Variants in GCNT1 observed in about 807,000 individuals in gnomAD.
GCNT1 encodes the protein beta-1,3-galactosyl-O-glycosyl-glycoprotein beta-1,6-N-acetylglucosaminyltransferase.
GCNT1 carries 16 observed loss-of-function variants against 26.2 expected under a neutral mutation model. That is an observed-to-expected ratio of 0.61 (90% CI 0.41 to 0.93). The LOEUF (loss-of-function observed/expected upper bound fraction) is 0.93. Ranked by LOEUF, GCNT1 falls within the 40% of genes least tolerant of loss-of-function variation. GCNT1 has a pLI of 0.00. For missense variants in GCNT1, 477 were observed against 526.7 expected, an observed-to-expected ratio of 0.91 and a Z score of 0.92; for synonymous variants, 183 against 190.8, an observed-to-expected ratio of 0.96 and a Z score of 0.34.
Position 76,502,649 on chromosome 9 carries a change from C to A in GCNT1, c.268C>A (p.Pro90Thr), listed in dbSNP as rs1421639764. 9.9e-6 allele frequency: 16 copies of A among 1,613,952 alleles called. No individual in the cohort carries two copies. Among genetic ancestry groups the A allele is most frequent in the Non-Finnish European group, 1.3e-5 (15 of 1,180,006 alleles). Residue 90 changes from proline (P) to threonine (T), a missense_variant, in exon 4 of 4, where the codon CCT becomes ACT. Physicochemically the swap from Pro to Thr is conservative, Grantham distance 38. Coordinates refer to ENST00000376730, the MANE Select transcript of GCNT1 (RefSeq NM_001490.5). Reference protein sequence around the residue: ...VKFKKRPRWTPDDYINMTSDC... With the variant: ...VKFKKRPRWTTDDYINMTSDC... ...ATTTAAAAAGCGCCCTCGGTGGACACCTGACGACTATATAAACATGACCAG... is the reference window on the plus strand; with the variant it reads ...ATTTAAAAAGCGCCCTCGGTGGACAACTGACGACTATATAAACATGACCAG...
Position 76,503,195 on chromosome 9 carries a change from G to A in GCNT1, c.814G>A (p.Val272Ile). 1 of 1,614,186 alleles carries A rather than the reference G, an allele frequency of 6.2e-7. No homozygotes were observed. Among genetic ancestry groups the A allele is most frequent in the Non-Finnish European group, 8.5e-7 (1 of 1,180,016 alleles). ...VNGKLTNTGT[V>I]KMLPPLETPL... is the part of the protein sequence containing the mutation. Reference sequence around the variant, plus strand: ...TGGAAAGCTGACAAACACAGGGACTGTCAAAATGCTTCCTCCACTCGAAAC... The same window carrying A: ...TGGAAAGCTGACAAACACAGGGACTATCAAAATGCTTCCTCCACTCGAAAC... Residue 272 changes from valine to isoleucine, a missense_variant, in exon 4 of 4, where the codon GTC becomes ATC. Transcript: ENST00000376730.
upstream of GCNT1, among the ~76,000 whole-genome samples, chr9:76,417,309 C>T (rs1353362639): frequency 1.3e-5 from 2 of 152,098 alleles, no homozygotes; most frequent in African/African-American, 2.4e-5. Flanking sequence ...ACAAAATGTG[C>T]CCTAGTCTTT....
rs1554739678 is a variant in GCNT1 at position 76,502,680 on chromosome 9, G to A, written c.299G>A (p.Cys100Tyr). 2 of 1,614,130 alleles carry A rather than the reference G, an allele frequency of 1.2e-6. No homozygotes were observed. Among genetic ancestry groups the A allele is most frequent in the Non-Finnish European group, 1.7e-6 (2 of 1,179,996 alleles). Residue 100 changes from cysteine to tyrosine, a missense_variant, in exon 4 of 4, where the codon TGT (cysteine) becomes TAT (tyrosine). Transcript: ENST00000376730. ...GACTATATAAACATGACCAGTGACT[G>A]TTCTTCTTTCATCAAGAGACGCAAA... is the stretch of plus-strand genomic sequence containing the variant. ...PDDYINMTSDCSSFIKRRKYI... is the reference protein window; with the variant it reads ...PDDYINMTSDYSSFIKRRKYI...
chr9:76,396,244 C>T, the GCNT1 span, among the ~76,000 whole-genome samples: 5 of 152,300 alleles, frequency 3.3e-5, no homozygotes, highest in East Asian at 7.7e-4. Context: ...GTATTTTTCA[C>T]ACTGTCTCAT....
intron 2 of GCNT1, among the ~76,000 whole-genome samples, chr9:76,465,169 A>T (rs367790951): frequency 0.12 from 16,323 of 138,104 alleles, 1,008 homozygotes; most frequent in Middle Eastern, 0.2. Flanking sequence ...TTTTTTTTTT[A>T]TTTTTTTTTA....
Position 76,502,320 on chromosome 9 carries a change from C to T in GCNT1, c.-62C>T. On this transcript the variant is annotated 5_prime_UTR_variant, in exon 4 of 4. Transcript: ENST00000376730. ...TTCAAGGCCACGACGGAGGGAAAAT[C>T]ATTGGTGCTTGGAGCATAGAAGACT... 8.5e-7 allele frequency: 1 copy of T among 1,171,882 alleles called. No homozygotes were observed. The highest frequency in any genetic ancestry group is 2.0e-4 in the Middle Eastern group (1 of 5,022). The allele number at this position is 1,171,882 out of a possible 1,614,324, so 72.6% of individuals were successfully genotyped here.
the GCNT1 span, among the ~76,000 whole-genome samples, chr9:76,402,983 T>G: frequency 6.6e-6 from 1 of 152,148 alleles, no homozygotes; most frequent in African/African-American, 2.4e-5. Flanking sequence ...CAGCCCTGAT[T>G]GTTTAATAAA....
At chr9:76,399,047 C>G in the GCNT1 span, 1 of 1,595,900 alleles carries the variant, frequency 6.3e-7, no homozygotes, top group East Asian at 2.2e-5. Flanking sequence ...GGCAGCCTTC[C>G]GGGAGCCATG....
At chr9:76,394,248 C>A in the GCNT1 span, 224 of 1,446,388 alleles carry the variant, frequency 1.5e-4, no homozygotes, top group Non-Finnish European at 2.0e-4. Context: ...GGCGCCCAGA[C>A]CCCGGACCAG....
the GCNT1 span, among the ~76,000 whole-genome samples, chr9:76,404,351 G>T: frequency 6.6e-6 from 1 of 152,036 alleles, no homozygotes; most frequent in Non-Finnish European, 1.5e-5. Context: ...ATCTGCTGAT[G>T]TGTCAGCATG....
At chr9:76,464,877 G>A (rs1390972355) in intron 2 of GCNT1, among the ~76,000 whole-genome samples, 1 of 152,144 alleles carries the variant, frequency 6.6e-6, no homozygotes, top group Non-Finnish European at 1.5e-5. Context: ...ATGTTCTTAG[G>A]CAGATCCCTG....
intron 1 of GCNT1, among the ~76,000 whole-genome samples, chr9:76,422,672 C>T (rs547318555): frequency 2.6e-5 from 4 of 152,266 alleles, no homozygotes; most frequent in Admixed American, 2.6e-4. Context: ...CCCACCTCAG[C>T]CTCCAGAGTA....
intron 2 of GCNT1, among the ~76,000 whole-genome samples, chr9:76,471,544 C>T (rs1482269431): frequency 6.6e-6 from 1 of 152,122 alleles, no homozygotes; most frequent in African/African-American, 2.4e-5. Flanking sequence ...ATAGACAGCC[C>T]ACCAATTTTG....
intron 1 of GCNT1, among the ~76,000 whole-genome samples, chr9:76,430,847 A>C (rs1160796359): frequency 6.6e-6 from 1 of 151,946 alleles, no homozygotes; most frequent in Non-Finnish European, 1.5e-5. Flanking sequence ...AACCACACCC[A>C]GCTAATTTTT....
chr9:76,437,536 CA>C (rs983157683), upstream of GCNT1, among the ~76,000 whole-genome samples: 2 of 152,176 alleles, frequency 1.3e-5, no homozygotes, highest in Non-Finnish European at 2.9e-5. Context: ...AAGGAATAAC[CA>C]TAAAAATGGG....
In GCNT1 at chr9:76,500,934, G is replaced by A. The variant is rs960427152; in HGVS notation, c.-271G>A. 1 of 152,122 alleles carries A rather than the reference G, an allele frequency of 6.6e-6. No homozygotes were observed. Among genetic ancestry groups the A allele is most frequent in the Non-Finnish European group, 1.5e-5 (1 of 68,034 alleles). The allele number at this position is 152,122 out of a possible 1,614,324, so 9.4% of individuals were successfully genotyped here. On this transcript the variant is annotated 5_prime_UTR_variant, in exon 3 of 4. Coordinates refer to ENST00000376730, the MANE Select transcript of GCNT1 (RefSeq NM_001490.5). ...TTCACAGATTTCTTTAAAGACTCGT[G>A]CAGCACATCATTATCGCTGGATGCC...
intron 2 of GCNT1, among the ~76,000 whole-genome samples, chr9:76,469,848 C>T (rs1450047186): frequency 1.3e-5 from 2 of 152,124 alleles, no homozygotes; most frequent in Non-Finnish European, 2.9e-5. Context: ...AGAGCTATAA[C>T]ACTCACCGCA....
chr9:76,449,240 G>A (rs969736505), intron 1 of GCNT1, among the ~76,000 whole-genome samples: 2 of 151,810 alleles, frequency 1.3e-5, no homozygotes, highest in African/African-American at 4.8e-5. Context: ...CAAGATGACA[G>A]TGAGGTATGA....
chr9:76,482,455 A>G (rs1038080718), intron 2 of GCNT1, among the ~76,000 whole-genome samples: 1 of 144,060 alleles, frequency 6.9e-6, no homozygotes, highest in Non-Finnish European at 1.5e-5. Context: ...CCCTGTCTCT[A>G]CTAAAAATAC....
Sources: gnomAD v4.1 joint callset for allele counts (sites outside exome capture counted in the v4.1 genomes callset) on GRCh38, gnomAD v4.1.1 for gene constraint, MANE v1.5 for transcripts, NCBI Gene and HGNC (gene_info 2026-07-23, HGNC 2026-07-21) for gene names.